The following SRPK2 variants were observed in gnomAD, a reference collection of about 807,000 sequenced individuals.
The protein encoded by SRPK2 is SFRS protein kinase 2.
In SRPK2, 21 loss-of-function variants were observed where a neutral mutation model predicts 90.8. That is an observed-to-expected ratio of 0.23 (90% confidence interval 0.16 to 0.33). The LOEUF is 0.33. Ranked by LOEUF, SRPK2 falls within the 10% of genes least tolerant of loss-of-function variation. The probability of loss-of-function intolerance (pLI) is 1.00; values close to 1 mark genes in which losing one functional copy is unlikely to be tolerated. For missense variants in SRPK2, 620 were observed against 869.0 expected, an observed-to-expected ratio of 0.71 and a Z score of 3.60; for synonymous variants, 288 against 311.1, an observed-to-expected ratio of 0.93 and a Z score of 0.78.
intron 2 of SRPK2, among the ~76,000 whole-genome samples, chr7:105,379,883 C>G (rs528766950): frequency 9.9e-5 from 15 of 152,220 alleles, no homozygotes; most frequent in African/African-American, 3.6e-4. Context: ...GAGGCTGAGG[C>G]AGGAGAATGG....
At chr7:105,318,140 G>C (rs1386265358) in intron 2 of SRPK2, among the ~76,000 whole-genome samples, 1 of 152,166 alleles carries the variant, frequency 6.6e-6, no homozygotes, top group African/African-American at 2.4e-5. Flanking sequence ...TGTCACCCAG[G>C]CTTGAATGCA....
intron 2 of SRPK2, among the ~76,000 whole-genome samples, chr7:105,341,055 G>T (rs750248886): frequency 6.6e-6 from 1 of 152,014 alleles, no homozygotes; most frequent in Non-Finnish European, 1.5e-5. Flanking sequence ...TCTCACGCAG[G>T]ATATGGCCAG....
chr7:105,146,759 T>C lies in SRPK2; in HGVS notation c.622-101A>G. 4.9e-6 allele frequency: 6 copies of C among 1,232,110 alleles called. No homozygotes were observed. In the South Asian group the frequency reaches 8.2e-5, roughly 17 times the overall value. 76.3% of individuals were successfully genotyped at this position (1,232,110 alleles called of 1,614,324 possible). Reference sequence around the variant, plus strand: ...TGTAATACAATGCCAGGGTACAAAGTTTGATAAACACAAAAGGATATTTAG... The same window carrying C: ...TGTAATACAATGCCAGGGTACAAAGCTTGATAAACACAAAAGGATATTTAG... On this transcript the variant is annotated intron_variant, in intron 7 of 15. Transcript: ENST00000393651.
intron 3 of SRPK2, among the ~76,000 whole-genome samples, chr7:105,176,227 A>G (rs1429243440): frequency 1.3e-5 from 2 of 152,224 alleles, no homozygotes; most frequent in Non-Finnish European, 1.5e-5. Flanking sequence ...AAGAAAATCT[A>G]TATGATGAGC....
intron 2 of SRPK2, among the ~76,000 whole-genome samples, chr7:105,334,565 C>A (rs975120128): frequency 4.6e-5 from 7 of 151,828 alleles, no homozygotes; most frequent in African/African-American, 1.7e-4. Context: ...TGGCTGGGCA[C>A]GGTGGCTCAC....
intron 2 of SRPK2, among the ~76,000 whole-genome samples, chr7:105,303,373 T>G (rs1378333321): frequency 6.6e-6 from 1 of 151,884 alleles, no homozygotes; most frequent in Non-Finnish European, 1.5e-5. Flanking sequence ...AATGATGAGT[T>G]AATGGGTGCA....
At chr7:105,181,136 A>G (rs1792734979) in intron 3 of SRPK2, among the ~76,000 whole-genome samples, 1 of 151,406 alleles carries the variant, frequency 6.6e-6, no homozygotes, top group African/African-American at 2.5e-5. Flanking sequence ...ATCACTAATC[A>G]TTAGAGAAAT....
chr7:105,301,985 C>G, intron 2 of SRPK2: 7 of 1,606,134 alleles, frequency 4.4e-6, no homozygotes, highest in Non-Finnish European at 6.0e-6. Flanking sequence ...GAAGCGTAAG[C>G]TGGCAGACAA....
chr7:105,324,528 C>T lies in SRPK2; in HGVS notation c.71+64120G>A, dbSNP rs1160358995. On this transcript the variant is annotated intron_variant, in intron 2 of 15. Transcript: ENST00000393651. Reference sequence around the variant, plus strand: ...AAATCTAGCTAATGAATGTGCAATACAAATAAGCAAAGTTGGTAGGCCCAT... The same window carrying T: ...AAATCTAGCTAATGAATGTGCAATATAAATAAGCAAAGTTGGTAGGCCCAT... Among the ~76,000 whole-genome samples the T allele has an allele frequency of 7.2e-5, 11 of 152,264 alleles. No individual in the cohort carries two copies. The East Asian group carries it at 2.1e-3, about 29-fold the overall frequency.
intron 1 of SRPK2, among the ~76,000 whole-genome samples, chr7:105,395,252 G>C (rs1331804096): frequency 5.3e-5 from 8 of 151,972 alleles, no homozygotes; most frequent in Admixed American, 3.9e-4. Flanking sequence ...CACTTTGAAA[G>C]TCCAAAGCAA....
chr7:105,231,482 G>C (rs1799415919), intron 2 of SRPK2, among the ~76,000 whole-genome samples: 1 of 152,106 alleles, frequency 6.6e-6, no homozygotes, highest in Admixed American at 6.6e-5. Flanking sequence ...CTCTTTGAGG[G>C]ATCACCATAC....
Position 105,117,872 on chromosome 7 carries a change from C to G in SRPK2, c.2066G>C (p.Gly689Ala). Residue 689 changes from glycine (G) to alanine (A), a missense_variant, in exon 16 of 16, where the codon GGC becomes GCC. Gly to Ala is a moderately conservative substitution (Grantham distance 60, BLOSUM62 0). Around this residue, in one of 8 missense-constraint regions of SRPK2, gnomAD observed 71 missense variants for 123.1 expected, o/e 0.58. Transcript: ENST00000393651. ...EMVPEKRASA[G>A]ECLRHPWLNS ...CAACCAAGGATGCCGAAGGCATTCG[C>G]CAGCTGAGGCTCGTTTTTCTGGAAC... is the stretch of plus-strand genomic sequence containing the variant. 6.2e-7 allele frequency: 1 copy of G among 1,613,238 alleles called. No individual in the cohort carries two copies. Among genetic ancestry groups the G allele is most frequent in the Non-Finnish European group, 8.5e-7 (1 of 1,180,026 alleles).
intron 1 of SRPK2, among the ~76,000 whole-genome samples, chr7:105,397,423 A>G (rs1822362152): frequency 1.4e-5 from 2 of 144,236 alleles, no homozygotes; most frequent in Admixed American, 1.4e-4. Context: ...TCCGCCTCCC[A>G]GGTTCAAACA....
intron 2 of SRPK2, among the ~76,000 whole-genome samples, chr7:105,211,960 C>CACTGAGT (rs1322631117): frequency 6.6e-6 from 1 of 152,206 alleles, no homozygotes; most frequent in Non-Finnish European, 1.5e-5. Context: ...CTGATCACCT[C>CACTGAGT]ACTGAGTTCT....
At chr7:105,270,795 A>G (rs1256415919) in intron 2 of SRPK2, among the ~76,000 whole-genome samples, 1 of 152,194 alleles carries the variant, frequency 6.6e-6, no homozygotes, top group Admixed American at 6.5e-5. Flanking sequence ...TAAAATGAGG[A>G]TAATAACATA....
chr7:105,314,657 T>C (rs747280337), intron 2 of SRPK2, among the ~76,000 whole-genome samples: 11 of 152,210 alleles, frequency 7.2e-5, no homozygotes, highest in South Asian at 2.1e-4. Context: ...GTGCTGGGAT[T>C]GCAGGCGTTA....
At chr7:105,363,380 C>T (rs946131681) in intron 2 of SRPK2, among the ~76,000 whole-genome samples, 22 of 152,218 alleles carry the variant, frequency 1.4e-4, no homozygotes, top group African/African-American at 5.3e-4. Flanking sequence ...TATGAACAGA[C>T]ACTTCTCAAA....
chr7:105,253,894 TAAAA>T (rs954961917), intron 2 of SRPK2, among the ~76,000 whole-genome samples: 5 of 139,990 alleles, frequency 3.6e-5, no homozygotes, highest in African/African-American at 1.4e-4. Flanking sequence ...ATCTTTATTT[TAAAA>T]AAAAACAAAC....
intron 2 of SRPK2, among the ~76,000 whole-genome samples, chr7:105,357,282 G>A (rs553651656): frequency 4.6e-5 from 7 of 152,088 alleles, no homozygotes; most frequent in Admixed American, 2.6e-4. Context: ...CTTGTGATCC[G>A]CCTGCCTCGG....
Sources: allele counts gnomAD v4.1 joint callset (sites outside exome capture counted in the v4.1 genomes callset), GRCh38; gene constraint gnomAD v4.1.1; regional missense constraint gnomAD v4.1.1; transcripts MANE v1.5; gene names NCBI Gene and HGNC (gene_info 2026-07-23, HGNC 2026-07-21).